Variants in CDH9 observed in about 807,000 individuals in gnomAD.
CDH9 encodes the protein cadherin 9.
Under a neutral mutation model 70.9 loss-of-function variants are expected in CDH9, and 28 were observed. The observed-to-expected ratio is 0.40, with a 90% CI of 0.29 to 0.54. CDH9 has a LOEUF of 0.54. CDH9 is among the 20% of genes least tolerant of loss of function. The probability of loss-of-function intolerance (pLI) is 0.59; values close to 1 mark genes in which losing one functional copy is unlikely to be tolerated. For missense variants in CDH9, 874 were observed against 984.4 expected (o/e 0.89, Z 1.50); for synonymous variants, 409 against 343.1 (o/e 1.19, Z -2.12).
intron 2 of CDH9, among the ~76,000 whole-genome samples, chr5:26,964,761 C>T (rs1453574545): frequency 6.6e-6 from 1 of 151,902 alleles, no homozygotes; most frequent in Non-Finnish European, 1.5e-5. Context: ...GATAATTCTC[C>T]TAATGCTATC....
chr5:26,908,685 T>C (rs1223958487), intron 3 of CDH9, among the ~76,000 whole-genome samples: 2 of 152,164 alleles, frequency 1.3e-5, no homozygotes, highest in Non-Finnish European at 2.9e-5. Context: ...GCAAGGACGC[T>C]TAACAAAGAG....
intron 1 of CDH9, among the ~76,000 whole-genome samples, chr5:26,998,737 A>C (rs528617248): frequency 6.4e-4 from 97 of 152,286 alleles, no homozygotes; most frequent in Admixed American, 2.0e-3. Flanking sequence ...TAATAATAAA[A>C]AAAAAAGAAA....
chr5:26,964,194 T>C (rs1742088495), intron 2 of CDH9, among the ~76,000 whole-genome samples: 1 of 149,938 alleles, frequency 6.7e-6, no homozygotes, highest in South Asian at 2.1e-4. Context: ...TGCTGATTAA[T>C]ACACACACAC....
chr5:26,982,652 T>C (rs1742418056), intron 2 of CDH9, among the ~76,000 whole-genome samples: 1 of 152,102 alleles, frequency 6.6e-6, no homozygotes, highest in African/African-American at 2.4e-5. Flanking sequence ...ATCCAAATAA[T>C]TCAACTTGTG....
chr5:27,023,298 ACTCGGGAGG>A (rs1183746457), intron 1 of CDH9, among the ~76,000 whole-genome samples: 1 of 152,014 alleles, frequency 6.6e-6, no homozygotes, highest in Non-Finnish European at 1.5e-5. Context: ...TTTCTTCTTC[ACTCGGGAGG>A]CTCGGTTGAT....
intron 3 of CDH9, among the ~76,000 whole-genome samples, chr5:26,908,912 T>C (rs1740997852): frequency 6.6e-6 from 1 of 152,206 alleles, no homozygotes; most frequent in Non-Finnish European, 1.5e-5. Flanking sequence ...TGTAGTTTTT[T>C]TCAGAGGTGT....
intron 2 of CDH9, among the ~76,000 whole-genome samples, chr5:26,962,080 G>GT (rs775889956): frequency 6.6e-6 from 1 of 152,070 alleles, no homozygotes; most frequent in African/African-American, 2.4e-5. Context: ...TGCGGTGTTT[G>GT]TTTTTCAGTT....
intron 2 of CDH9, among the ~76,000 whole-genome samples, chr5:26,921,797 T>G (rs1053614921): frequency 6.6e-6 from 1 of 152,126 alleles, no homozygotes. Context: ...GACTCCACAC[T>G]TCCCGGTAAC....
chr5:26,890,698 T>C (rs1308648436), intron 7 of CDH9, 134 bp from the exon 8 acceptor site: 3 of 638,156 alleles, frequency 4.7e-6, no homozygotes, highest in East Asian at 5.4e-5. Flanking sequence ...CTTTCTTGAA[T>C]TTTTATTTTA....
intron 1 of CDH9, among the ~76,000 whole-genome samples, chr5:27,011,211 A>G (rs1269989998): frequency 1.3e-5 from 2 of 152,110 alleles, no homozygotes; most frequent in Non-Finnish European, 1.5e-5. Flanking sequence ...CATGTTATTT[A>G]TAGGTTGAAC....
At chr5:26,887,234 T>C (rs1424765075) in intron 9 of CDH9, among the ~76,000 whole-genome samples, 1 of 151,850 alleles carries the variant, frequency 6.6e-6, no homozygotes, top group African/African-American at 2.4e-5. Flanking sequence ...AATAATTATA[T>C]AGGATCTAAT....
intron 2 of CDH9, among the ~76,000 whole-genome samples, chr5:26,929,771 T>C (rs1741408462): frequency 6.6e-6 from 1 of 152,086 alleles, no homozygotes; most frequent in Non-Finnish European, 1.5e-5. Flanking sequence ...TTCTCATTTA[T>C]TTGTTAGATC....
chr5:26,931,922 C>T (rs1741470305), intron 2 of CDH9, among the ~76,000 whole-genome samples: 1 of 152,010 alleles, frequency 6.6e-6, no homozygotes, highest in Non-Finnish European at 1.5e-5. Flanking sequence ...ATAATGGTGA[C>T]CTGTTTCAAG....
chr5:26,924,833 G>A (rs1050451179), intron 2 of CDH9, among the ~76,000 whole-genome samples: 40 of 144,042 alleles, frequency 2.8e-4, no homozygotes, highest in African/African-American at 9.6e-4. Context: ...ATAGTTTGCC[G>A]AGAATGATGG....
At chr5:26,977,489 A>ATATATATATG (rs1742322313) in intron 2 of CDH9, among the ~76,000 whole-genome samples, 1 of 129,092 alleles carries the variant, frequency 7.7e-6, no homozygotes, top group African/African-American at 4.6e-5. Flanking sequence ...GTGTGTGTAT[A>ATATATATATG]TATATATATA....
chr5:26,916,230 CA>C, intron 2 of CDH9, among the ~76,000 whole-genome samples: 1 of 151,978 alleles, frequency 6.6e-6, no homozygotes, highest in African/African-American at 2.4e-5. Flanking sequence ...CAGTGCATTA[CA>C]AAAAAATCCA....
chr5:26,945,153 T>C (rs1276477940), intron 2 of CDH9, among the ~76,000 whole-genome samples: 1 of 151,968 alleles, frequency 6.6e-6, no homozygotes, highest in Non-Finnish European at 1.5e-5. Context: ...ATAATTCTAC[T>C]CCAATTGTCC....
chr5:27,027,501 C>T (rs1037714993), intron 1 of CDH9, among the ~76,000 whole-genome samples: 1 of 151,960 alleles, frequency 6.6e-6, no homozygotes, highest in Admixed American at 6.6e-5. Context: ...CCTCATAAAA[C>T]CCTACAATGT....
chr5:26,970,130 A>G (rs11952004), intron 2 of CDH9, among the ~76,000 whole-genome samples: 19,333 of 151,198 alleles, frequency 0.13, 1,730 homozygotes, highest in African/African-American at 0.25. Context: ...TAAGTTAAAT[A>G]TAGTTATTAA....
Sources: allele counts gnomAD v4.1 joint callset (sites outside exome capture counted in the v4.1 genomes callset), GRCh38; gene constraint gnomAD v4.1.1; transcripts MANE v1.5; gene names NCBI Gene and HGNC (gene_info 2026-07-23, HGNC 2026-07-21).